The following SETX variants were observed in gnomAD, a reference collection of about 807,000 sequenced individuals.
SETX encodes the protein senataxin.
SETX carries 90 observed loss-of-function variants against 227.2 expected under a neutral mutation model. The ratio of observed to expected loss-of-function variants is 0.40; its 90% CI spans 0.33 to 0.47. The LOEUF (loss-of-function observed/expected upper bound fraction) is 0.47. SETX is among the 20% of genes least tolerant of loss of function. The probability of loss-of-function intolerance (pLI) is 0.91; values close to 1 mark genes in which losing one functional copy is unlikely to be tolerated. For missense variants in SETX, 3,052 were observed against 3,181.5 expected (o/e 0.96, Z 0.98); for synonymous variants, 1,210 against 1,113.2 (o/e 1.09, Z -1.73).
chr9:132,335,125 T>A (rs1409492512), intron 6 of SETX, among the ~76,000 whole-genome samples: 1 of 151,796 alleles, frequency 6.6e-6, no homozygotes, highest in African/African-American at 2.4e-5. Context: ...GCGTGGTGGC[T>A]CACACCTGTA....
intron 10 of SETX, among the ~76,000 whole-genome samples, chr9:132,313,436 G>T (rs1484411252): frequency 6.6e-6 from 1 of 152,180 alleles, no homozygotes; most frequent in African/African-American, 2.4e-5. Context: ...GCAACCCCAG[G>T]AGCCAGAGAT....
At chr9:132,317,141 A>AT (rs942945617) in intron 10 of SETX, among the ~76,000 whole-genome samples, 4 of 152,212 alleles carry the variant, frequency 2.6e-5, no homozygotes, top group African/African-American at 7.2e-5. Context: ...AGTGTTTTCC[A>AT]TAAGTGTCTC....
intron 6 of SETX, among the ~76,000 whole-genome samples, chr9:132,335,573 G>C (rs1395909589): frequency 6.6e-6 from 1 of 151,614 alleles, no homozygotes; most frequent in Non-Finnish European, 1.5e-5. Context: ...AAATTCCTGG[G>C]CTTAAATGTT....
chr9:132,339,724 TGCCTCA>T (rs1046548564), intron 5 of SETX, among the ~76,000 whole-genome samples: 2 of 152,156 alleles, frequency 1.3e-5, no homozygotes, highest in South Asian at 2.1e-4. Context: ...GCAATTCTCC[TGCCTCA>T]GCCTCCCAGG....
intron 3 of SETX, among the ~76,000 whole-genome samples, chr9:132,347,452 A>G (rs938952580): frequency 6.6e-6 from 1 of 151,478 alleles, no homozygotes; most frequent in African/African-American, 2.4e-5. Context: ...AGCTGGGATT[A>G]CAGGCGCCCA....
At chr9:132,290,208 TCAAAAAAACAAA>T (rs899293466) in intron 15 of SETX, among the ~76,000 whole-genome samples, 3 of 152,016 alleles carry the variant, frequency 2.0e-5, no homozygotes, top group Non-Finnish European at 4.4e-5. Flanking sequence ...AGACTCCGTC[TCAAAAAAACAAA>T]CAAAAAAACA....
chr9:132,293,268 C>T (rs140537415), intron 15 of SETX, among the ~76,000 whole-genome samples: 41 of 152,186 alleles, frequency 2.7e-4, no homozygotes, highest in South Asian at 6.2e-4. Flanking sequence ...AACCTGGTAA[C>T]GGGTATACAC....
chr9:132,336,872 TC>T (rs1847655865), intron 5 of SETX, among the ~76,000 whole-genome samples: 1 of 152,196 alleles, frequency 6.6e-6, no homozygotes, highest in African/African-American at 2.4e-5. Context: ...AAGACCAGCC[TC>T]GCCAACTTGG....
intron 3 of SETX, among the ~76,000 whole-genome samples, chr9:132,347,223 G>A (rs1475541552): frequency 6.6e-6 from 1 of 151,738 alleles, no homozygotes; most frequent in Non-Finnish European, 1.5e-5. Context: ...CTGCACTCCA[G>A]CCTGGGCAAC....
chr9:132,269,736 A>C (rs370803592), intron 24 of SETX, 34 bp from the exon 25 acceptor site: 12 of 1,604,304 alleles, frequency 7.5e-6, no homozygotes, highest in African/African-American at 2.7e-5. Context: ...TTCTTTGTCT[A>C]GAATGACTTA....
Position 132,329,431 on chromosome 9 carries a change from G to A in SETX, c.2167C>T (p.Pro723Ser). ...CCATTTCTTGAAGTACAGTCCTTTG[G>A]TGTATATGAAGAGATCTCTTTTACA... ...KSVKEISSYT[P>S]KDCTSRNGPE... is the part of the protein sequence containing the mutation. The change falls in exon 10 of 26, where the codon CCA (proline) becomes TCA (serine). Residue 723 changes from proline (P) to serine (S), a missense_variant. By Grantham distance (74) the Pro-to-Ser change is moderately conservative. Coordinates refer to ENST00000224140, the MANE Select transcript of SETX (RefSeq NM_015046.7). 6.2e-7 allele frequency: 1 copy of A among 1,613,550 alleles called. No individual in the cohort carries two copies. Among genetic ancestry groups the A allele is most frequent in the South Asian group, 1.1e-5 (1 of 91,066 alleles).
intron 11 of SETX, among the ~76,000 whole-genome samples, chr9:132,303,892 C>T (rs553542180): frequency 2.6e-4 from 39 of 152,228 alleles, no homozygotes; most frequent in African/African-American, 8.7e-4. Flanking sequence ...GAGGCCGAGG[C>T]GGGTGGTTCA....
intron 11 of SETX, among the ~76,000 whole-genome samples, chr9:132,308,209 C>A (rs190953249): frequency 6.6e-6 from 1 of 152,188 alleles, no homozygotes; most frequent in African/African-American, 2.4e-5. Context: ...CCAGATACCA[C>A]GTACCTGCTG....
At chr9:132,322,653 A>G (rs1205326844) in intron 10 of SETX, among the ~76,000 whole-genome samples, 1 of 152,206 alleles carries the variant, frequency 6.6e-6, no homozygotes, top group Non-Finnish European at 1.5e-5. Context: ...CTTTTTGGCT[A>G]CCATGAATAA....
At chr9:132,345,655 TA>T (rs1167864319) in intron 4 of SETX, among the ~76,000 whole-genome samples, 1 of 152,230 alleles carries the variant, frequency 6.6e-6, no homozygotes, top group Non-Finnish European at 1.5e-5. Flanking sequence ...AACAACCGTA[TA>T]AACTATGTGA....
At chr9:132,347,073 G>A (rs1198378449) in intron 3 of SETX, among the ~76,000 whole-genome samples, 1 of 151,850 alleles carries the variant, frequency 6.6e-6, no homozygotes, top group Non-Finnish European at 1.5e-5. Flanking sequence ...TGACCAACAC[G>A]GAGGAACCTC....
chr9:132,289,545 G>T (rs747670177), intron 15 of SETX, among the ~76,000 whole-genome samples: 1 of 152,118 alleles, frequency 6.6e-6, no homozygotes, highest in Non-Finnish European at 1.5e-5. Flanking sequence ...GGTACCCTAC[G>T]GGTGGTATTG....
intron 21 of SETX, among the ~76,000 whole-genome samples, 178 bp downstream of exon 21, chr9:132,277,892 T>C (rs1451548921): frequency 6.6e-6 from 1 of 152,158 alleles, no homozygotes; most frequent in Non-Finnish European, 1.5e-5. Flanking sequence ...TTTTTCCCCT[T>C]TTCTTTTTTA....
rs1312607835 is a variant in SETX, at chr9:132,298,122, G to A, written c.5739C>T (p.Asp1913=). The part of the protein sequence containing the change: ...ARAVLNPNPM[D]FCTKDLLTTT... Reference sequence around the variant, plus strand: ...TAGTCAGTAAATCTTTTGTACAGAAGTCCATAGGGTTTGGATTCAGAACAG... The same window carrying A: ...TAGTCAGTAAATCTTTTGTACAGAAATCCATAGGGTTTGGATTCAGAACAG... Residue 1913 remains aspartate (D), a synonymous_variant, in exon 13 of 26, where the codon GAC becomes GAT. Transcript: ENST00000224140. 1 of 1,613,930 alleles carries A rather than the reference G, an allele frequency of 6.2e-7. No homozygotes were observed. Among genetic ancestry groups the A allele is most frequent in the Non-Finnish European group, 8.5e-7 (1 of 1,179,976 alleles).
Sources: allele counts gnomAD v4.1 joint callset (sites outside exome capture counted in the v4.1 genomes callset), GRCh38; gene constraint gnomAD v4.1.1; transcripts MANE v1.5; gene names NCBI Gene and HGNC (gene_info 2026-07-23, HGNC 2026-07-21).